PRSS38: variants seen among roughly 807,000 people sequenced by gnomAD.
PRSS38 encodes serine protease 38.
PRSS38 carries 22 observed loss-of-function variants against 26.8 expected under a neutral mutation model. The ratio of observed to expected loss-of-function variants is 0.82; its 90% CI spans 0.59 to 1.17. PRSS38 has a LOEUF of 1.17. Ranked by LOEUF, PRSS38 falls within the 50% of genes most tolerant of loss-of-function variation. PRSS38 has a pLI of 0.00. For missense variants in PRSS38, 427 were observed against 422.7 expected, an observed-to-expected ratio of 1.01 and a Z score of -0.09; for synonymous variants, 175 against 172.1, an observed-to-expected ratio of 1.02 and a Z score of -0.13.
rs758912864 is a variant in PRSS38 at position 227,815,913 on chromosome 1, G to T, written c.148+49G>T. 3 of 1,558,416 alleles carry T rather than the reference G, an allele frequency of 1.9e-6. No individual in the cohort carries two copies. In the Admixed American group the frequency reaches 5.4e-5, roughly 28 times the overall value. ...TGGGCGGCTGGAGACAGTGCCCTTG[G>T]GGCGTCTGTCGGTGCTGGGCCTCCT... On this transcript the variant is annotated intron_variant, in intron 1 of 4. Coordinates refer to ENST00000366757, the Ensembl canonical transcript of PRSS38.
At chr1:227,846,374 G>C in exon 5 of PRSS38, 71 of 851,976 alleles carry the variant, frequency 8.3e-5, no homozygotes, top group Admixed American at 2.9e-5. Flanking sequence ...GTGTACAAAA[G>C]AAAAAAGGGA....
At chr1:227,834,526 G>A (rs4436435) in intron 3 of PRSS38, among the ~76,000 whole-genome samples, 38,040 of 151,938 alleles carry the variant, frequency 0.25, 4,976 homozygotes, top group Non-Finnish European at 0.28. Flanking sequence ...AAAATTAGCC[G>A]GGCGTGGTGG....
In PRSS38 at chr1:227,816,387, GCCAGGTCCCCA is replaced by G; in HGVS notation, c.311+140_311+150del. 1.1e-6 allele frequency: 1 copy of G among 928,136 alleles called. No individual in the cohort carries two copies. Among genetic ancestry groups the G allele is most frequent in the Non-Finnish European group, 1.6e-6 (1 of 621,108 alleles). 57.5% of individuals were successfully genotyped at this position (928,136 alleles called of 1,614,324 possible). A position where few individuals can be genotyped will look rare whatever the true frequency, so the allele number is the denominator to read the frequency against. ...CTTCACCACTGTCGACCCGCGCAAG[GCCAGGTCCCCA>G]CCAGTGAGGCTGGTCCCCAAACACA... On this transcript the variant is annotated intron_variant, in intron 2 of 4. Coordinates refer to ENST00000366757, the Ensembl canonical transcript of PRSS38. This position sits in a 1 kb window ranked among gnomAD's most constrained non-coding sequence, Gnocchi z 5.1.
At chr1:227,824,808 T>C (rs1369760508) in intron 3 of PRSS38, among the ~76,000 whole-genome samples, 4 of 152,230 alleles carry the variant, frequency 2.6e-5, no homozygotes, top group African/African-American at 9.6e-5. Flanking sequence ...GACTTGCATT[T>C]CTCTAATGAT....
chr1:227,830,768 G>A (rs1288063117), intron 3 of PRSS38, among the ~76,000 whole-genome samples: 2 of 151,888 alleles, frequency 1.3e-5, no homozygotes, highest in East Asian at 1.9e-4. Flanking sequence ...GCCCCCCAAA[G>A]TGCTGGGATT....
intron 3 of PRSS38, among the ~76,000 whole-genome samples, chr1:227,832,745 A>G (rs1231286707): frequency 6.6e-6 from 1 of 152,190 alleles, no homozygotes. Context: ...ACATGATCCT[A>G]TATATATAGA....
At chr1:227,834,763 G>A (rs1272000348) in intron 3 of PRSS38, among the ~76,000 whole-genome samples, 8 of 152,094 alleles carry the variant, frequency 5.3e-5, no homozygotes, top group African/African-American at 1.4e-4. Flanking sequence ...TCAGCGGGTC[G>A]AGGCTGCAGT....
intron 3 of PRSS38, among the ~76,000 whole-genome samples, chr1:227,835,122 C>T (rs1572088039): frequency 6.6e-6 from 1 of 152,168 alleles, no homozygotes; most frequent in African/African-American, 2.4e-5. Flanking sequence ...CAAGACAGAA[C>T]CCCAGCATCC....
In PRSS38 at chr1:227,836,702, T is replaced by A. The variant is rs1480958747; in HGVS notation, c.584-8768T>A. Among the ~76,000 whole-genome samples the A allele has an allele frequency of 1.2e-4, 18 of 150,922 alleles. 9 individuals are homozygous for A. Among genetic ancestry groups the A allele is most frequent in the Non-Finnish European group, 1.8e-4 (12 of 67,750 alleles). ...ACTCCGTCTCAAAAAAAAAAAAAAA[T>A]AAAATAAAAGCTTCCATAACAGAAT... is the stretch of plus-strand genomic sequence containing the variant. On this transcript the variant is annotated intron_variant, in intron 3 of 4. Transcript: ENST00000366757.
intron 3 of PRSS38, among the ~76,000 whole-genome samples, chr1:227,820,895 A>G (rs1388727118): frequency 6.6e-6 from 1 of 152,112 alleles, no homozygotes; most frequent in Non-Finnish European, 1.5e-5. Context: ...CAATCTCTTT[A>G]CTTGTTATAG....
chr1:227,833,930 C>T (rs1232252920), intron 3 of PRSS38, among the ~76,000 whole-genome samples: 1 of 152,152 alleles, frequency 6.6e-6, no homozygotes, highest in Non-Finnish European at 1.5e-5. Context: ...ATAAATGGGA[C>T]ATTTTAGAAA....
At chr1:227,822,006 T>C (rs1665009973) in intron 3 of PRSS38, among the ~76,000 whole-genome samples, 1 of 152,178 alleles carries the variant, frequency 6.6e-6, no homozygotes, top group South Asian at 2.1e-4. Context: ...TCTTAGGCTC[T>C]CTTTACTTTC....
At chr1:227,845,810 C>A (rs1665420904) in intron 4 of PRSS38, 144 bp from the exon 5 acceptor site, 6 of 1,291,294 alleles carry the variant, frequency 4.6e-6, no homozygotes, top group East Asian at 2.3e-5. Context: ...TGTGTTGCAG[C>A]CAGTAGGGAG....
chr1:227,844,099 G>A (rs1665378831), intron 3 of PRSS38, among the ~76,000 whole-genome samples: 1 of 152,178 alleles, frequency 6.6e-6, no homozygotes, highest in Non-Finnish European at 1.5e-5. Context: ...CTTTTACTCT[G>A]TCTGACATCT....
At chr1:227,844,305 CTG>C (rs1665382186) in intron 3 of PRSS38, among the ~76,000 whole-genome samples, 1 of 151,960 alleles carries the variant, frequency 6.6e-6, no homozygotes, top group Non-Finnish European at 1.5e-5. Context: ...GGGTTACTCC[CTG>C]TCTGATCAAG....
At chr1:227,837,319 C>G (rs1427451806) in intron 3 of PRSS38, among the ~76,000 whole-genome samples, 2 of 152,236 alleles carry the variant, frequency 1.3e-5, no homozygotes, top group Non-Finnish European at 2.9e-5. Context: ...TTTTCCTTTT[C>G]TTAAACTTCG....
intron 3 of PRSS38, among the ~76,000 whole-genome samples, chr1:227,840,214 C>G (rs755721794): frequency 1.3e-5 from 2 of 152,174 alleles, no homozygotes; most frequent in African/African-American, 2.4e-5. Context: ...CTCAAACTCC[C>G]AGGCTCAAGC....
At chr1:227,839,836 G>A (rs552485578) in intron 3 of PRSS38, among the ~76,000 whole-genome samples, 8 of 152,242 alleles carry the variant, frequency 5.3e-5, no homozygotes, top group South Asian at 2.1e-4. Context: ...GATGTCTACC[G>A]GGCACTTTCT....
intron 3 of PRSS38, among the ~76,000 whole-genome samples, chr1:227,826,088 G>C (rs1318214004): frequency 6.6e-6 from 1 of 152,018 alleles, no homozygotes. Flanking sequence ...TTTTGAAGAG[G>C]TCCTTCACTT....
Sources: allele counts gnomAD v4.1 joint callset (sites outside exome capture counted in the v4.1 genomes callset), GRCh38; gene constraint gnomAD v4.1.1; non-coding constraint Gnocchi (gnomAD v3.1); transcripts MANE v1.5; gene names NCBI Gene and HGNC (gene_info 2026-07-23, HGNC 2026-07-21).